Variants in SLC25A15 observed in about 807,000 individuals in gnomAD.
SLC25A15 encodes mitochondrial ornithine transporter 1.
A neutral mutation model predicts 32.3 loss-of-function variants in SLC25A15; 24 were observed. That is an observed-to-expected ratio of 0.74 (90% CI 0.54 to 1.04). SLC25A15 has a LOEUF of 1.04. Ranked by LOEUF, SLC25A15 falls within the 50% of genes least tolerant of loss-of-function variation. The pLI, the probability that SLC25A15 is intolerant of heterozygous loss-of-function variation, is 0.00. For synonymous variants in SLC25A15, 132 were observed against 142.1 expected (o/e 0.93, Z 0.51); for missense variants, 317 against 374.5 (o/e 0.85, Z 1.27).
intron 2 of SLC25A15, chr13:40,798,839 C>A (rs1389285905): frequency 1.0e-6 from 1 of 985,302 alleles, no homozygotes; most frequent in Non-Finnish European, 1.2e-6. Flanking sequence ...TCTCTCTCCC[C>A]TGCCTGGCAT....
intron 2 of SLC25A15, among the ~76,000 whole-genome samples, chr13:40,797,591 C>T (rs1489769088): frequency 6.6e-6 from 1 of 152,118 alleles, no homozygotes; most frequent in Non-Finnish European, 1.5e-5. Flanking sequence ...TGTCATTCCT[C>T]TCCTGTAAGA....
intron 6 of SLC25A15, among the ~76,000 whole-genome samples, chr13:40,809,337 C>T (rs549349193): frequency 1.3e-5 from 2 of 152,356 alleles, no homozygotes; most frequent in East Asian, 3.9e-4. Flanking sequence ...ACCTGAGCAT[C>T]AGTCAGTTTT....
At chr13:40,801,120 C>T (rs1014578739) in intron 3 of SLC25A15, among the ~76,000 whole-genome samples, 3 of 151,678 alleles carry the variant, frequency 2.0e-5, no homozygotes, top group African/African-American at 7.3e-5. Flanking sequence ...GTGGTCCCAG[C>T]TACCAGGGAG....
intron 5 of SLC25A15, among the ~76,000 whole-genome samples, chr13:40,808,116 T>C (rs1453719343): frequency 6.6e-6 from 1 of 152,226 alleles, no homozygotes; most frequent in Non-Finnish European, 1.5e-5. Context: ...TTCTCCCCAC[T>C]GTAGGGGGTT....
rs1240838226 is a variant in SLC25A15, at chr13:40,811,318, A to G, written c.*1651A>G. 6.6e-6 allele frequency among the ~76,000 whole-genome samples: 1 copy of G among 152,008 alleles called. No homozygotes were observed. The highest frequency in any genetic ancestry group is 1.5e-5 in the Non-Finnish European group (1 of 67,974). ...AGCCTGACCAACATGGTGAAACCCC[A>G]TCTCTACTAAAAATACAAAAATTAG... On this transcript the variant is annotated 3_prime_UTR_variant, in exon 7 of 7. Coordinates refer to ENST00000338625, the MANE Select transcript of SLC25A15 (RefSeq NM_014252.4).
intron 4 of SLC25A15, among the ~76,000 whole-genome samples, chr13:40,806,981 C>T (rs1367206331): frequency 1.3e-5 from 2 of 152,224 alleles, no homozygotes; most frequent in Non-Finnish European, 2.9e-5. Flanking sequence ...GCACTAAAAA[C>T]AGATCCTGTA....
intron 1 of SLC25A15, among the ~76,000 whole-genome samples, chr13:40,791,572 G>T (rs1004451059): frequency 2.6e-5 from 4 of 151,848 alleles, no homozygotes; most frequent in Non-Finnish European, 4.4e-5. Context: ...TCGTCAAGCT[G>T]GTCTCAAACT....
rs369201060 is a variant in SLC25A15, at chr13:40,799,279, G to A, written c.278G>A (p.Arg93Gln). 111 of 1,614,118 alleles carry A rather than the reference G, an allele frequency of 6.9e-5. No homozygotes were observed. The East Asian group carries it at 1.8e-3, about 27-fold the overall frequency. ...MCYGFCQQVVRKVAGLDKQAK... is the reference protein window; with the variant it reads ...MCYGFCQQVVQKVAGLDKQAK... ...TACGGCTTCTGCCAGCAGGTGGTGC[G>A]GAAAGTGGCTGGATTGGACAAGCAG... is the stretch of plus-strand genomic sequence containing the variant. Residue 93 changes from arginine (R) to glutamine (Q), a missense_variant, in exon 3 of 7, where the codon CGG becomes CAG. Coordinates refer to ENST00000338625, the MANE Select transcript of SLC25A15 (RefSeq NM_014252.4).
At chr13:40,793,117 C>G in intron 1 of SLC25A15, 41 bp from the exon 2 acceptor site, 1 of 1,095,920 alleles carries the variant, frequency 9.1e-7, no homozygotes, top group Non-Finnish European at 1.4e-6. Flanking sequence ...GAACAGGATG[C>G]TGCAGACTTG....
chr13:40,805,295 C>T, intron 4 of SLC25A15, 40 bp downstream of exon 4: 2 of 1,612,188 alleles, frequency 1.2e-6, no homozygotes, highest in Non-Finnish European at 1.7e-6. Flanking sequence ...TCTCTATTGC[C>T]CTAGTGTATT....
At chr13:40,800,926 TA>T (rs1299417293) in intron 3 of SLC25A15, among the ~76,000 whole-genome samples, 1 of 152,152 alleles carries the variant, frequency 6.6e-6, no homozygotes, top group African/African-American at 2.4e-5. Flanking sequence ...GTGTATGTGT[TA>T]TTTAGTTCAT....
intron 2 of SLC25A15, among the ~76,000 whole-genome samples, chr13:40,796,931 C>T (rs756894083): frequency 6.6e-6 from 1 of 152,172 alleles, no homozygotes; most frequent in Admixed American, 6.5e-5. Flanking sequence ...GCCACCATAT[C>T]GCCGAAAGAA....
rs1882448599 is a variant in SLC25A15 at position 40,811,481 on chromosome 13, T to TTCA, written c.*1817_*1819dup. Among the ~76,000 whole-genome samples, 2 of 151,528 alleles carry TTCA rather than the reference T, an allele frequency of 1.3e-5. No homozygotes were observed. Among genetic ancestry groups the TTCA allele is most frequent in the Admixed American group, 1.3e-4 (2 of 15,192 alleles). On this transcript the variant is annotated 3_prime_UTR_variant, in exon 7 of 7. Transcript: ENST00000338625. ...TCCAGACTGGGTGACACAGCGAGAC[T>TTCA]TCATCTCAAAAAAAAAAAGAAAAGA...
At chr13:40,802,502 G>A (rs571156878) in intron 3 of SLC25A15, among the ~76,000 whole-genome samples, 2 of 152,170 alleles carry the variant, frequency 1.3e-5, no homozygotes, top group Admixed American at 1.3e-4. Flanking sequence ...GCCAAGACTG[G>A]TGCCACCTTG....
In SLC25A15 at chr13:40,810,768, G is replaced by A. The variant is rs1319118940; in HGVS notation, c.*1101G>A. 1.9e-6 allele frequency: 1 copy of A among 534,684 alleles called. No individual in the cohort carries two copies. The highest frequency in any genetic ancestry group is 3.8e-6 in the Non-Finnish European group (1 of 260,106). 33.1% of individuals were successfully genotyped at this position (534,684 alleles called of 1,614,324 possible). On this transcript the variant is annotated 3_prime_UTR_variant, in exon 7 of 7. Transcript: ENST00000338625. Reference sequence around the variant, plus strand: ...AAAGAACTTCCCTTCTTGGGCTTTAGATTGAGGAAGGGGCTGAGTGGTAGG... The same window carrying A: ...AAAGAACTTCCCTTCTTGGGCTTTAAATTGAGGAAGGGGCTGAGTGGTAGG...
chr13:40,807,105 TC>T (rs1410625523), intron 4 of SLC25A15, among the ~76,000 whole-genome samples, 188 bp from the exon 5 acceptor site: 3 of 152,222 alleles, frequency 2.0e-5, no homozygotes, highest in Non-Finnish European at 4.4e-5. Context: ...TTTAGATAAT[TC>T]CTTACTGTAA....
chr13:40,798,789 A>G, intron 2 of SLC25A15: 2 of 985,264 alleles, frequency 2.0e-6, no homozygotes, highest in Non-Finnish European at 2.4e-6. Flanking sequence ...AGGCTCCTAC[A>G]TATTCACTGC....
At chr13:40,793,383 C>T in intron 2 of SLC25A15, 102 bp downstream of exon 2, 1 of 1,040,108 alleles carries the variant, frequency 9.6e-7, no homozygotes, top group Non-Finnish European at 1.5e-6. Flanking sequence ...TGTACCTTTT[C>T]TGTGTTTAGA....
Position 40,799,190 on chromosome 13 carries a change from C to T in SLC25A15, c.189C>T (p.Phe63=). Residue 63 remains phenylalanine (F), a synonymous_variant, in exon 3 of 7, where the codon TTC becomes TTT. Coordinates refer to ENST00000338625, the MANE Select transcript of SLC25A15 (RefSeq NM_014252.4). ...KTYSQVGFRG[F]YKGTSPALIA... Reference sequence around the variant, plus strand: ...ACTCCCAGGTGGGCTTCCGTGGCTTCTACAAGGGTACCAGTCCAGCACTAA... The same window carrying T: ...ACTCCCAGGTGGGCTTCCGTGGCTTTTACAAGGGTACCAGTCCAGCACTAA... 6.2e-7 allele frequency: 1 copy of T among 1,614,228 alleles called. No homozygotes were observed. The highest frequency in any genetic ancestry group is 8.5e-7 in the Non-Finnish European group (1 of 1,180,040).
Sources: allele counts gnomAD v4.1 joint callset (sites outside exome capture counted in the v4.1 genomes callset), GRCh38; gene constraint gnomAD v4.1.1; transcripts MANE v1.5; gene names NCBI Gene and HGNC (gene_info 2026-07-23, HGNC 2026-07-21).